Variants in ZNF468 observed in about 807,000 individuals in gnomAD.
ZNF468 encodes zinc finger protein ZNF468.
In ZNF468, 8 loss-of-function variants were observed where a neutral mutation model predicts 7.2. The observed-to-expected ratio is 1.11, with a 90% CI of 0.65 to 2.01. The LOEUF is 2.01. ZNF468 is among the 30% of genes most tolerant of loss of function. ZNF468 has a pLI of 0.00. For synonymous variants in ZNF468, 218 were observed against 214.4 expected, an observed-to-expected ratio of 1.02 and a Z score of -0.15; for missense variants, 608 against 626.5, an observed-to-expected ratio of 0.97 and a Z score of 0.31.
At chr19:52,856,538 A>C (rs61462673) in intron 1 of ZNF468, among the ~76,000 whole-genome samples, 44 of 110,036 alleles carry the variant, frequency 4.0e-4, no homozygotes, top group African/African-American at 1.2e-3. Flanking sequence ...CCTGGACCCA[A>C]TCTGGCACCC....
rs1236622931 is a variant in ZNF468 at position 52,856,507 on chromosome 19, C to A, written c.-74+1065G>T. ...CCTCCTCTGCTCTCCCTGTTAAATT[C>A]TCTCTTCTCTGTTATAACCCCCTGG... is the stretch of plus-strand genomic sequence containing the variant. On this transcript the variant is annotated intron_variant, in intron 1 of 3. Coordinates refer to ENST00000595646, the MANE Select transcript of ZNF468 (RefSeq NM_001008801.2). 8.2e-5 allele frequency among the ~76,000 whole-genome samples: 10 copies of A among 121,856 alleles called. 1 individual carries two copies. The highest frequency in any genetic ancestry group is 7.5e-4 in the Admixed American group (8 of 10,698). 79.9% of individuals were successfully genotyped at this position (121,856 alleles called of 152,430 possible).
At chr19:52,846,211 A>G (rs1274064465) in intron 3 of ZNF468, among the ~76,000 whole-genome samples, 2 of 152,152 alleles carry the variant, frequency 1.3e-5, no homozygotes, top group Middle Eastern at 3.4e-3. Context: ...TAGTTTTTGC[A>G]GGTTATGGAT....
At chr19:52,853,685 C>A (rs2063410473) in intron 2 of ZNF468, among the ~76,000 whole-genome samples, 1 of 151,788 alleles carries the variant, frequency 6.6e-6, no homozygotes, top group African/African-American at 2.4e-5. Flanking sequence ...AGCGAAACTC[C>A]ATCTCAAAAA....
intron 2 of ZNF468, among the ~76,000 whole-genome samples, chr19:52,853,356 A>G (rs951575412): frequency 2.0e-5 from 3 of 151,998 alleles, no homozygotes; most frequent in South Asian, 2.1e-4. Context: ...ACAAATATAT[A>G]TATCATGTGA....
intron 2 of ZNF468, among the ~76,000 whole-genome samples, chr19:52,850,816 G>A (rs538020777): frequency 4.0e-5 from 6 of 151,644 alleles, no homozygotes; most frequent in East Asian, 3.9e-4. Flanking sequence ...GGAGAATGGC[G>A]TGAACCCGGG....
intron 3 of ZNF468, among the ~76,000 whole-genome samples, chr19:52,843,108 G>A (rs1419980782): frequency 8.0e-6 from 1 of 124,842 alleles, no homozygotes. Context: ...ACAACAGAGT[G>A]AGACTCTGTC....
chr19:52,857,297 G>T (rs1011592325), intron 1 of ZNF468, among the ~76,000 whole-genome samples: 5 of 152,198 alleles, frequency 3.3e-5, no homozygotes, highest in African/African-American at 1.2e-4. Flanking sequence ...AGAGCCGTGC[G>T]GAAGGAGTCA....
Position 52,840,837 on chromosome 19 carries a change from C to A in ZNF468, c.1457G>T (p.Arg486Leu). The A allele has an allele frequency of 6.3e-7, 1 of 1,594,268 alleles. No individual in the cohort carries two copies. The highest frequency in any genetic ancestry group is 8.5e-7 in the Non-Finnish European group (1 of 1,171,196). Residue 486 changes from arginine to leucine, a missense_variant, in exon 4 of 4, where the codon CGT becomes CTT. Arg to Leu is a moderately radical substitution (Grantham distance 102). Transcript: ENST00000595646. ...AGGTTTCTCTCCAGTATGAAGCCTA[C>A]GATGGATTATAAGCGATGATGTCTG... ...FGQTSSLIIH[R>L]RLHTGEKPYK...
chr19:52,850,747 A>C (rs2147740146), intron 2 of ZNF468, among the ~76,000 whole-genome samples: 1 of 151,628 alleles, frequency 6.6e-6, no homozygotes, highest in African/African-American at 2.4e-5. Context: ...AAAATACAAA[A>C]AATTAGCCGG....
chr19:52,840,822 C>T lies in ZNF468; in HGVS notation c.1472G>A (p.Gly491Glu). 1 of 1,608,578 alleles carries T rather than the reference C, an allele frequency of 6.2e-7. No individual in the cohort carries two copies. Among genetic ancestry groups the T allele is most frequent in the Non-Finnish European group, 8.5e-7 (1 of 1,177,598 alleles). The change falls in exon 4 of 4, where the codon GGA (glycine) becomes GAA (glutamate). Residue 491 changes from glycine (G) to glutamate (E), a missense_variant. Physicochemically the swap from Gly to Glu is moderately conservative, Grantham distance 98. Coordinates refer to ENST00000595646, the MANE Select transcript of ZNF468 (RefSeq NM_001008801.2). ...SLIIHRRLHT[G>E]EKPYKCNECG... ...CTCATTACACTTGTAAGGTTTCTCT[C>T]CAGTATGAAGCCTACGATGGATTAT...
chr19:52,841,414 T>C lies in ZNF468; in HGVS notation c.880A>G (p.Thr294Ala). ...SSLFIHKALH[T>A]GEKPYECEEC... is the part of the protein sequence containing the mutation. Reference sequence around the variant, plus strand: ...TCACATTCATAAGGTTTCTCTCCAGTATGAAGCGCTTTGTGAATGAAGAGG... The same window carrying C: ...TCACATTCATAAGGTTTCTCTCCAGCATGAAGCGCTTTGTGAATGAAGAGG... The change falls in exon 4 of 4, where the codon ACT becomes GCT. Residue 294 changes from threonine (T) to alanine (A), a missense_variant. Physicochemically the swap from Thr to Ala is moderately conservative, Grantham distance 58. Coordinates refer to ENST00000595646, the MANE Select transcript of ZNF468 (RefSeq NM_001008801.2). 1 of 1,614,012 alleles carries C rather than the reference T, an allele frequency of 6.2e-7. No individual in the cohort carries two copies. The highest frequency in any genetic ancestry group is 8.5e-7 in the Non-Finnish European group (1 of 1,179,948).
rs1568670931 is a variant in ZNF468, at chr19:52,838,569, T to C, written c.*2156A>G. On this transcript the variant is annotated 3_prime_UTR_variant, in exon 4 of 4. Transcript: ENST00000595646. Reference sequence around the variant, plus strand: ...AAGTCAAATTTTATTTGTTTGTAGATGACATGACCTTCTGTAAAGAAAATC... The same window carrying C: ...AAGTCAAATTTTATTTGTTTGTAGACGACATGACCTTCTGTAAAGAAAATC... The C allele has an allele frequency of 6.6e-6, 1 of 152,164 alleles. No homozygotes were observed. The highest frequency in any genetic ancestry group is 2.4e-5 in the African/African-American group (1 of 41,422). The allele number at this position is 152,164 out of a possible 1,614,324, so 9.4% of individuals were successfully genotyped here. A position where few individuals can be genotyped will look rare whatever the true frequency, so the allele number is the denominator to read the frequency against.
At chr19:52,856,873 C>G (rs1568685927) in intron 1 of ZNF468, among the ~76,000 whole-genome samples, 1 of 152,136 alleles carries the variant, frequency 6.6e-6, no homozygotes, top group Non-Finnish European at 1.5e-5. Flanking sequence ...CTCAGGTTTT[C>G]TACTGCTCTC....
Position 52,842,143 on chromosome 19 carries a change from A to C in ZNF468, c.151T>G (p.Ser51Ala), listed in dbSNP as rs765934259. The change falls in exon 4 of 4, where the codon TCC becomes GCC. Residue 51 changes from serine to alanine, a missense_variant. By Grantham distance (99) the Ser-to-Ala change is moderately conservative. Transcript: ENST00000595646. ...YRNLVSLDIS[S>A]KCMLKTLSST... is the part of the protein sequence containing the mutation. ...GACAACGTCTTCAACATGCATTTGG[A>C]AGAGATATCTACAAAATTTAAACAC... The C allele has an allele frequency of 6.3e-7, 1 of 1,586,284 alleles. No individual in the cohort carries two copies. Among genetic ancestry groups the C allele is most frequent in the Non-Finnish European group, 8.6e-7 (1 of 1,165,532 alleles).
rs182642557 is a variant in ZNF468, at chr19:52,845,467, A to C, written c.143-3316T>G. Among the ~76,000 whole-genome samples the C allele has an allele frequency of 3.0e-3, 456 of 151,750 alleles. 4 individuals are homozygous for C. The highest frequency in any genetic ancestry group is 0.01 in the African/African-American group (433 of 41,392). The stretch of plus-strand genomic sequence containing the variant: ...GTCAGGAGATCGAGACCATCCTGGC[A>C]AACCAACATGGTGAAACCCCATCTC... On this transcript the variant is annotated intron_variant, in intron 3 of 3. Coordinates refer to ENST00000595646, the MANE Select transcript of ZNF468 (RefSeq NM_001008801.2).
intron 2 of ZNF468, chr19:52,853,731 A>G (rs1252556326): frequency 1.2e-5 from 4 of 338,174 alleles, no homozygotes; most frequent in East Asian, 2.2e-4. Context: ...TGAATTATTC[A>G]TGTCTATGTA....
Position 52,840,356 on chromosome 19 carries a change from G to C in ZNF468, c.*369C>G, listed in dbSNP as rs1356714438. ...CTTTTAATTACAAGGTGTGAATTTTGACCAACGGTCTTGCCACACTCATTA... is the reference window on the plus strand; with the variant it reads ...CTTTTAATTACAAGGTGTGAATTTTCACCAACGGTCTTGCCACACTCATTA... On this transcript the variant is annotated 3_prime_UTR_variant, in exon 4 of 4. Coordinates refer to ENST00000595646, the MANE Select transcript of ZNF468 (RefSeq NM_001008801.2). 2.8e-5 allele frequency: 13 copies of C among 471,530 alleles called. No homozygotes were observed. The highest frequency in any genetic ancestry group is 5.2e-5 in the Non-Finnish European group (13 of 248,070). The allele number at this position is 471,530 out of a possible 1,614,324, so 29.2% of individuals were successfully genotyped here.
Position 52,840,174 on chromosome 19 carries a change from A to G in ZNF468, c.*551T>C. On this transcript the variant is annotated 3_prime_UTR_variant, in exon 4 of 4. Coordinates refer to ENST00000595646, the MANE Select transcript of ZNF468 (RefSeq NM_001008801.2). The stretch of plus-strand genomic sequence containing the variant: ...TATGTATTTGAAGCTGGATTTGTGA[A>G]TGAAAACTTTGTCACATTGTTCACG... 2 of 396,326 alleles carry G rather than the reference A, an allele frequency of 5.0e-6. No homozygotes were observed. Among genetic ancestry groups the G allele is most frequent in the Non-Finnish European group, 9.7e-6 (2 of 205,492 alleles). The allele number at this position is 396,326 out of a possible 1,614,324, so 24.6% of individuals were successfully genotyped here.
chr19:52,852,504 T>C (rs759906424), intron 2 of ZNF468, among the ~76,000 whole-genome samples: 36 of 151,656 alleles, frequency 2.4e-4, no homozygotes, highest in Non-Finnish European at 4.0e-4. Flanking sequence ...TGAAACACCG[T>C]CTCTAGTAAA....
Sources: allele counts gnomAD v4.1 joint callset (sites outside exome capture counted in the v4.1 genomes callset), GRCh38; gene constraint gnomAD v4.1.1; transcripts MANE v1.5; gene names NCBI Gene and HGNC (gene_info 2026-07-23, HGNC 2026-07-21).